Variants in FANCL observed in about 807,000 individuals in gnomAD.
The protein encoded by FANCL is E3 ubiquitin-protein ligase FANCL.
In FANCL, 69 loss-of-function variants were observed where a neutral mutation model predicts 59.4. The observed-to-expected ratio is 1.16, with a 90% CI of 0.96 to 1.42. FANCL has a LOEUF of 1.42. Ranked by LOEUF, FANCL falls within the 40% of genes most tolerant of loss-of-function variation. The probability of loss-of-function intolerance (pLI) is 0.00; values close to 1 mark genes in which losing one functional copy is unlikely to be tolerated. For missense variants in FANCL, 519 were observed against 447.2 expected, an observed-to-expected ratio of 1.16 and a Z score of -1.45; for synonymous variants, 180 against 147.1, an observed-to-expected ratio of 1.22 and a Z score of -1.62.
At chr2:58,217,113 C>T (rs1288477283) in intron 5 of FANCL, among the ~76,000 whole-genome samples, 1 of 132,658 alleles carries the variant, frequency 7.5e-6, no homozygotes. Context: ...CACACACACA[C>T]ATTACATATA....
At chr2:58,184,969 T>C (rs1390733670) in intron 7 of FANCL, among the ~76,000 whole-genome samples, 1 of 152,062 alleles carries the variant, frequency 6.6e-6, no homozygotes. Flanking sequence ...CCACAGACTT[T>C]AAAAAATCTA....
At chr2:58,209,358 A>T (rs962639632) in intron 5 of FANCL, among the ~76,000 whole-genome samples, 1 of 152,202 alleles carries the variant, frequency 6.6e-6, no homozygotes, top group Admixed American at 6.5e-5. Context: ...TGTTAAGCAT[A>T]TTACCAACCT....
At chr2:58,230,006 C>A in intron 2 of FANCL, 132 bp from the exon 3 acceptor site, 1 of 679,612 alleles carries the variant, frequency 1.5e-6, no homozygotes, top group South Asian at 1.7e-5. Context: ...AAAATTTTTA[C>A]CACTGATACT....
chr2:58,213,998 T>G (rs1162049341), intron 5 of FANCL, among the ~76,000 whole-genome samples: 2 of 152,176 alleles, frequency 1.3e-5, no homozygotes, highest in African/African-American at 2.4e-5. Flanking sequence ...AATGCCTGAG[T>G]GGTGTTATGT....
At chr2:58,197,305 A>G (rs1689532178) in intron 7 of FANCL, among the ~76,000 whole-genome samples, 1 of 152,016 alleles carries the variant, frequency 6.6e-6, no homozygotes, top group Non-Finnish European at 1.5e-5. Context: ...TACTTTACTC[A>G]TGTATTTATG....
intron 6 of FANCL, among the ~76,000 whole-genome samples, chr2:58,199,168 C>T (rs891904816): frequency 6.6e-6 from 1 of 152,068 alleles, no homozygotes; most frequent in Non-Finnish European, 1.5e-5. Context: ...TATGGAGGTG[C>T]AAGTTTGGTG....
chr2:58,216,541 G>C (rs984396094), intron 5 of FANCL, among the ~76,000 whole-genome samples: 1 of 152,054 alleles, frequency 6.6e-6, no homozygotes, highest in South Asian at 2.1e-4. Context: ...TTACCTTATT[G>C]AGCAGAGACA....
chr2:58,220,219 A>G (rs1692332535), intron 5 of FANCL, among the ~76,000 whole-genome samples: 3 of 152,248 alleles, frequency 2.0e-5, no homozygotes, highest in Non-Finnish European at 4.4e-5. Context: ...CAGATCGTAC[A>G]CACTTTGACT....
At chr2:58,219,202 A>ATATC (rs1692224088) in intron 5 of FANCL, among the ~76,000 whole-genome samples, 1 of 131,628 alleles carries the variant, frequency 7.6e-6, no homozygotes, top group South Asian at 2.5e-4. Flanking sequence ...ATATATATAT[A>ATATC]TATCCACAAT....
chr2:58,160,201 G>C, intron 12 of FANCL, 22 bp from the exon 13 acceptor site: 1 of 1,610,000 alleles, frequency 6.2e-7, no homozygotes, highest in South Asian at 1.1e-5. Context: ...AAAAGATAAA[G>C]GAGAAGCGTC....
chr2:58,219,628 A>C (rs1377502435), intron 5 of FANCL, among the ~76,000 whole-genome samples: 1 of 152,086 alleles, frequency 6.6e-6, no homozygotes, highest in Non-Finnish European at 1.5e-5. Flanking sequence ...TGTACCCTTG[A>C]TATGAAGAGA....
chr2:58,211,328 T>G (rs1691133978), intron 5 of FANCL, among the ~76,000 whole-genome samples: 1 of 152,182 alleles, frequency 6.6e-6, no homozygotes, highest in Admixed American at 6.5e-5. Flanking sequence ...CACTGGCCCT[T>G]TTCAGCCACA....
chr2:58,182,287 C>T (rs1373250396), intron 7 of FANCL, among the ~76,000 whole-genome samples: 3 of 151,770 alleles, frequency 2.0e-5, no homozygotes, highest in Admixed American at 2.0e-4. Flanking sequence ...TAGTTCAATA[C>T]AGCCTTTATA....
At chr2:58,192,667 G>A (rs1192983450) in intron 7 of FANCL, among the ~76,000 whole-genome samples, 1 of 151,844 alleles carries the variant, frequency 6.6e-6, no homozygotes, top group African/African-American at 2.4e-5. Context: ...AGTGAGGGTA[G>A]GTGGAGAAAA....
intron 4 of FANCL, 28 bp downstream of exon 4, chr2:58,226,700 C>T (rs1693035009): frequency 6.5e-7 from 1 of 1,545,736 alleles, no homozygotes; most frequent in Non-Finnish European, 8.9e-7. Context: ...AGTATGGTAA[C>T]AGTGTCAGAA....
intron 6 of FANCL, among the ~76,000 whole-genome samples, chr2:58,203,613 T>A (rs1328782532): frequency 1.7e-4 from 26 of 150,822 alleles, no homozygotes; most frequent in Non-Finnish European, 1.5e-5. Context: ...AAGGGATCTA[T>A]AAATAGAGGC....
intron 7 of FANCL, among the ~76,000 whole-genome samples, chr2:58,195,917 C>G (rs1176389496): frequency 1.3e-5 from 2 of 152,042 alleles, no homozygotes; most frequent in Non-Finnish European, 2.9e-5. Context: ...TAGGAAAAAC[C>G]CATACTAAAA....
At chr2:58,205,801 T>C (rs1690528212) in intron 5 of FANCL, among the ~76,000 whole-genome samples, 1 of 152,038 alleles carries the variant, frequency 6.6e-6, no homozygotes, top group South Asian at 2.1e-4. Context: ...GTATGACTGA[T>C]ATACTGGCAG....
chr2:58,203,192 C>A (rs572832609), intron 6 of FANCL, among the ~76,000 whole-genome samples: 101 of 151,940 alleles, frequency 6.6e-4, no homozygotes, highest in African/African-American at 2.3e-3. Flanking sequence ...CATACATATT[C>A]TGTGTGTGAG....
Sources: gnomAD v4.1 joint callset for allele counts (sites outside exome capture counted in the v4.1 genomes callset) on GRCh38, gnomAD v4.1.1 for gene constraint, MANE v1.5 for transcripts, NCBI Gene and HGNC (gene_info 2026-07-23, HGNC 2026-07-21) for gene names.